RCOR1: variants seen among roughly 807,000 people sequenced by gnomAD.
RCOR1 encodes REST corepressor 1.
RCOR1 carries 12 observed loss-of-function variants against 64.0 expected under a neutral mutation model. The ratio of observed to expected loss-of-function variants is 0.19; its 90% CI spans 0.12 to 0.30. RCOR1 has a LOEUF of 0.30. Among genes scored for constraint, RCOR1 ranks in the 10% least tolerant of loss-of-function variants. The pLI is 1.00. For missense variants in RCOR1, 502 were observed against 621.2 expected, an observed-to-expected ratio of 0.81 and a Z score of 2.04; for synonymous variants, 279 against 227.2, an observed-to-expected ratio of 1.23 and a Z score of -2.05.
chr14:102,689,538 G>T (rs1472724914), intron 3 of RCOR1, among the ~76,000 whole-genome samples: 2 of 152,158 alleles, frequency 1.3e-5, no homozygotes, highest in African/African-American at 4.8e-5. Flanking sequence ...TTGGCTATTG[G>T]ATATCCATAG....
At chr14:102,631,089 C>T (rs942105693) in intron 2 of RCOR1, among the ~76,000 whole-genome samples, 4 of 152,124 alleles carry the variant, frequency 2.6e-5, no homozygotes, top group Non-Finnish European at 5.9e-5. Flanking sequence ...ACTGGTATAT[C>T]ATCACTTCTG....
chr14:102,670,796 G>A (rs1311873123), intron 2 of RCOR1, among the ~76,000 whole-genome samples: 1 of 151,088 alleles, frequency 6.6e-6, no homozygotes, highest in Non-Finnish European at 1.5e-5. Flanking sequence ...ATTTTGAGAT[G>A]GAGTCTTGCT....
At chr14:102,602,027 C>T (rs1003382253) in intron 2 of RCOR1, among the ~76,000 whole-genome samples, 7 of 151,884 alleles carry the variant, frequency 4.6e-5, no homozygotes, top group South Asian at 4.2e-4. Context: ...GGTGTGGTCG[C>T]GGGTACCTGT....
intron 3 of RCOR1, among the ~76,000 whole-genome samples, chr14:102,693,287 G>T (rs974730404): frequency 6.6e-6 from 1 of 152,136 alleles, no homozygotes; most frequent in African/African-American, 2.4e-5. Flanking sequence ...AGTCAGACAT[G>T]CGGGTTCCAT....
Position 102,673,246 on chromosome 14 carries a change from A to G in RCOR1, c.362-8649A>G, listed in dbSNP as rs1363641590. ...ACATTTCCTTTAACTTGCTTTTTCT[A>G]TTCAAACTGGTTGATAGCTGTAGAT... On this transcript the variant is annotated intron_variant, in intron 2 of 11. Coordinates refer to ENST00000262241, the MANE Select transcript of RCOR1 (RefSeq NM_015156.4). 3.3e-5 allele frequency among the ~76,000 whole-genome samples: 5 copies of G among 151,798 alleles called. No homozygotes were observed. The East Asian group carries it at 7.7e-4, about 23-fold the overall frequency.
At chr14:102,657,949 T>A in intron 2 of RCOR1, 1 of 975,994 alleles carries the variant, frequency 1.0e-6, no homozygotes, top group South Asian at 4.8e-5. Flanking sequence ...TTATGAGGGG[T>A]GTTCTTTTTA....
intron 3 of RCOR1, among the ~76,000 whole-genome samples, chr14:102,691,194 G>A (rs983943234): frequency 2.6e-5 from 4 of 152,234 alleles, no homozygotes; most frequent in South Asian, 4.1e-4. Context: ...ATTGAGCGCC[G>A]TGAAGGAGAA....
At chr14:102,651,789 G>T (rs1186132475) in intron 2 of RCOR1, among the ~76,000 whole-genome samples, 1 of 152,052 alleles carries the variant, frequency 6.6e-6, no homozygotes. Context: ...CACTACTGCT[G>T]CTGGCAACTT....
At chr14:102,663,741 C>T (rs1256256689) in intron 2 of RCOR1, among the ~76,000 whole-genome samples, 6 of 152,140 alleles carry the variant, frequency 3.9e-5, no homozygotes, top group Non-Finnish European at 7.4e-5. Flanking sequence ...GAGCCTAAAA[C>T]ATTTCACTGT....
Position 102,593,341 on chromosome 14 carries a change from G to A in RCOR1, c.361+16G>A. The A allele has an allele frequency of 1.3e-6, 2 of 1,526,898 alleles. No individual in the cohort carries two copies. Among genetic ancestry groups the A allele is most frequent in the African/African-American group, 1.4e-5 (1 of 69,682 alleles). The allele number at this position is 1,526,898 out of a possible 1,614,324, so 94.6% of individuals were successfully genotyped here. ...TTCGACCCCGGTGAGTAGCGGCCCC[G>A]GCCGGCCGGCGGCGGGGATGAGCGG... is the stretch of plus-strand genomic sequence containing the variant. On this transcript the variant is annotated intron_variant, in intron 2 of 11. Transcript: ENST00000262241.
chr14:102,688,492 G>T (rs1035904573), intron 3 of RCOR1, among the ~76,000 whole-genome samples: 1 of 152,198 alleles, frequency 6.6e-6, no homozygotes, highest in Admixed American at 6.5e-5. Context: ...GAGAAGAGTA[G>T]AGAAGAGGTT....
rs117186934 is a variant in RCOR1, at chr14:102,696,556, G to T, written c.446-4722G>T. On this transcript the variant is annotated intron_variant, in intron 3 of 11. Transcript: ENST00000262241. The stretch of plus-strand genomic sequence containing the variant: ...AAACGTGCTGGCATTTTCTTGAGCA[G>T]CGTGGACTTTGCTCATTGTCCTGAT... Among the ~76,000 whole-genome samples the T allele has an allele frequency of 1.6e-3, 242 of 152,322 alleles. 2 individuals carry two copies. The highest frequency in any genetic ancestry group is 3.4e-3 in the Middle Eastern group (1 of 294).
Position 102,657,211 on chromosome 14 carries a change from G to A in RCOR1, c.362-24684G>A, listed in dbSNP as rs547977784. 25 of 985,098 alleles carry A rather than the reference G, an allele frequency of 2.5e-5. No individual in the cohort carries two copies. The African/African-American group carries it at 2.8e-4, about 11-fold the overall frequency. The allele number at this position is 985,098 out of a possible 1,614,324, so 61.0% of individuals were successfully genotyped here. ...ATCTTTGCAAAGTGTTGTGCCTCAC[G>A]GTGCTGGATATGGATGTGTGCTTAG... On this transcript the variant is annotated intron_variant, in intron 2 of 11. Transcript: ENST00000262241.
chr14:102,706,732 G>GA (rs1180043660), intron 4 of RCOR1, among the ~76,000 whole-genome samples: 2 of 151,976 alleles, frequency 1.3e-5, no homozygotes, highest in Non-Finnish European at 2.9e-5. Context: ...AGACTGAGGT[G>GA]ATCAAGGAGG....
At chr14:102,655,544 A>G (rs185802354) in intron 2 of RCOR1, 2 of 942,006 alleles carry the variant, frequency 2.1e-6, no homozygotes, top group East Asian at 1.2e-4. Context: ...GAAAGTTGCG[A>G]AGATTACAAG....
intron 2 of RCOR1, among the ~76,000 whole-genome samples, chr14:102,601,284 A>T (rs1474292597): frequency 6.6e-6 from 1 of 152,082 alleles, no homozygotes; most frequent in Non-Finnish European, 1.5e-5. Flanking sequence ...AAGTGCTGGG[A>T]TTACAGGCTT....
intron 2 of RCOR1, among the ~76,000 whole-genome samples, chr14:102,673,854 A>G (rs1429970338): frequency 6.6e-6 from 1 of 152,106 alleles, no homozygotes; most frequent in Non-Finnish European, 1.5e-5. Flanking sequence ...ACTTCAGGTG[A>G]TCCGCCCGCC....
chr14:102,657,968 T>C, intron 2 of RCOR1: 1 of 958,690 alleles, frequency 1.0e-6, no homozygotes, highest in Non-Finnish European at 1.2e-6. Context: ...TAATTTAATT[T>C]AATTAATTTT....
intron 2 of RCOR1, among the ~76,000 whole-genome samples, chr14:102,649,123 T>C (rs1170499648): frequency 6.6e-6 from 1 of 151,834 alleles, no homozygotes; most frequent in Non-Finnish European, 1.5e-5. Flanking sequence ...ATCACACCAC[T>C]GAACTCTGGC....
Sources: gnomAD v4.1 joint callset for allele counts (sites outside exome capture counted in the v4.1 genomes callset) on GRCh38, gnomAD v4.1.1 for gene constraint, MANE v1.5 for transcripts, NCBI Gene and HGNC (gene_info 2026-07-23, HGNC 2026-07-21) for gene names.